ATP9A: variants seen among roughly 807,000 people sequenced by gnomAD.
ATP9A encodes the protein ATPase phospholipid transporting 9A.
In ATP9A, 52 loss-of-function variants were observed where a neutral mutation model predicts 144.1. The observed-to-expected ratio is 0.36, with a 90% CI of 0.29 to 0.45. The LOEUF (loss-of-function observed/expected upper bound fraction) is 0.45. Ranked by LOEUF, ATP9A falls within the 20% of genes least tolerant of loss-of-function variation. ATP9A has a pLI of 1.00. For missense variants in ATP9A, 947 were observed against 1,392.7 expected (o/e 0.68, Z 5.09); for synonymous variants, 582 against 557.4 (o/e 1.04, Z -0.62).
chr20:51,706,838 C>T lies in ATP9A; in HGVS notation c.436+6128G>A, dbSNP rs75440086. ...AGGTAGCCTTTCTTCATTTTTTCTCCTGCTTCCTAATTTGAACAGCAGTTT... is the reference window on the plus strand; with the variant it reads ...AGGTAGCCTTTCTTCATTTTTTCTCTTGCTTCCTAATTTGAACAGCAGTTT... On this transcript the variant is annotated intron_variant, in intron 4 of 27. Coordinates refer to ENST00000338821, the MANE Select transcript of ATP9A (RefSeq NM_006045.3). 7.1e-3 allele frequency among the ~76,000 whole-genome samples: 1,085 copies of T among 152,290 alleles called. 9 individuals carry two copies. Among genetic ancestry groups the T allele is most frequent in the African/African-American group, 0.024 (1,013 of 41,564 alleles).
chr20:51,682,020 C>G (rs1333634829), intron 9 of ATP9A, among the ~76,000 whole-genome samples: 2 of 151,828 alleles, frequency 1.3e-5, no homozygotes, highest in Non-Finnish European at 2.9e-5. Flanking sequence ...CGGGGGTGGA[C>G]GGTGATAATA....
chr20:51,671,205 T>C lies in ATP9A; in HGVS notation c.1090A>G (p.Arg364Gly). The C allele has an allele frequency of 6.2e-7, 1 of 1,614,128 alleles. No individual in the cohort carries two copies. Reference sequence around the variant, plus strand: ...ACGGTCCCGGGGATTTTCGAGTCCCTTCGAATCACCCAGCTGTACACGATC... The same window carrying C: ...ACGGTCCCGGGGATTTTCGAGTCCCCTCGAATCACCCAGCTGTACACGATC... The part of the protein sequence containing the change: ...GKIVYSWVIR[R>G]DSKIPGTVVR... The change falls in exon 12 of 28, where the codon AGG (arginine) becomes GGG (glycine). Residue 364 changes from arginine to glycine, a missense_variant. By Grantham distance (125) the Arg-to-Gly change is moderately radical. Coordinates refer to ENST00000338821, the MANE Select transcript of ATP9A (RefSeq NM_006045.3).
intron 27 of ATP9A, among the ~76,000 whole-genome samples, chr20:51,603,335 C>T (rs902644112): frequency 6.6e-6 from 1 of 152,186 alleles, no homozygotes; most frequent in Admixed American, 6.5e-5. Flanking sequence ...AAAGCCATAG[C>T]GGCTTGAGTT....
Position 51,724,887 on chromosome 20 carries a change from C to G in ATP9A, c.327+932G>C, listed in dbSNP as rs114463043. Among the ~76,000 whole-genome samples, 1,369 of 152,272 alleles carry G rather than the reference C, an allele frequency of 9.0e-3. 19 individuals carry two copies. Among genetic ancestry groups the G allele is most frequent in the African/African-American group, 0.031 (1,297 of 41,556 alleles). On this transcript the variant is annotated intron_variant, in intron 3 of 27. Coordinates refer to ENST00000338821, the MANE Select transcript of ATP9A (RefSeq NM_006045.3). ...ACATTGGTTAAAAAGAAAATGTGAT[C>G]CCAGGAAACAATTCAAATACAAGGT...
chr20:51,694,691 C>T (rs1601109866), intron 6 of ATP9A, among the ~76,000 whole-genome samples: 3 of 152,292 alleles, frequency 2.0e-5, no homozygotes, highest in African/African-American at 7.2e-5. Flanking sequence ...CAGGCAAGCA[C>T]TAGGTCATTA....
Position 51,743,948 on chromosome 20 carries a change from A to G in ATP9A, c.69-13970T>C, listed in dbSNP as rs548083169. ...CTTGAACCCTGGAGGTGGAGGTTGC[A>G]GTAAGCCGAGATTCTGGCACTGCAC... On this transcript the variant is annotated intron_variant, in intron 1 of 27. Coordinates refer to ENST00000338821, the MANE Select transcript of ATP9A (RefSeq NM_006045.3). Among the ~76,000 whole-genome samples, 158 of 151,286 alleles carry G rather than the reference A, an allele frequency of 1.0e-3. 5 individuals carry two copies. In the South Asian group the frequency reaches 0.031, roughly 30 times the overall value.
Position 51,766,614 on chromosome 20 carries a change from G to A in ATP9A, c.68+1688C>T, listed in dbSNP as rs1051450934. Among the ~76,000 whole-genome samples the A allele has an allele frequency of 9.9e-5, 15 of 152,224 alleles. 1 individual carries two copies. Among genetic ancestry groups the A allele is most frequent in the African/African-American group, 3.6e-4 (15 of 41,524 alleles). On this transcript the variant is annotated intron_variant, in intron 1 of 27. Transcript: ENST00000338821. ...CCCAGCACTTTGGAAGGCCGAGGTG[G>A]GTGGATCACGAGGTCAGGAGTTCAA...
Position 51,674,488 on chromosome 20 carries a change from C to T in ATP9A, c.877-175G>A, listed in dbSNP as rs565259330. On this transcript the variant is annotated intron_variant, in intron 10 of 27. Coordinates refer to ENST00000338821, the MANE Select transcript of ATP9A (RefSeq NM_006045.3). ...CCCCAGGTAGGACAGTGGGATCCAT[C>T]GATCCTCATATCTTTGGTCTAAGAA... 3.3e-5 allele frequency among the ~76,000 whole-genome samples: 5 copies of T among 152,256 alleles called. No homozygotes were observed. In the South Asian group the frequency reaches 6.2e-4, roughly 19 times the overall value.
chr20:51,615,113 C>T (rs2122716164), intron 22 of ATP9A, among the ~76,000 whole-genome samples: 2 of 149,662 alleles, frequency 1.3e-5, no homozygotes, highest in South Asian at 2.1e-4. Context: ...GGGGGTGGGG[C>T]GTGGTTATGA....
At position 51,693,994 on chromosome 20, in the gene ATP9A, G is replaced by C; in HGVS notation, c.642+14C>G. On this transcript the variant is annotated intron_variant, in intron 7 of 27. Coordinates refer to ENST00000338821, the MANE Select transcript of ATP9A (RefSeq NM_006045.3). ...AGGTTGCCCGCATGGGCTTCTGCAG[G>C]GAAAGCTACTCACGGCGGCCGTGGG... 6.2e-7 allele frequency: 1 copy of C among 1,610,412 alleles called. No individual in the cohort carries two copies. The highest frequency in any genetic ancestry group is 2.2e-5 in the East Asian group (1 of 44,738).
At chr20:51,727,493 G>A (rs1472053439) in intron 2 of ATP9A, among the ~76,000 whole-genome samples, 1 of 151,644 alleles carries the variant, frequency 6.6e-6, no homozygotes, top group Non-Finnish European at 1.5e-5. Flanking sequence ...GGCTGAAGTG[G>A]GAGGATCAAT....
In ATP9A at chr20:51,750,292, G is replaced by A. The variant is rs77367942; in HGVS notation, c.68+18010C>T. On this transcript the variant is annotated intron_variant, in intron 1 of 27. Coordinates refer to ENST00000338821, the MANE Select transcript of ATP9A (RefSeq NM_006045.3). The stretch of plus-strand genomic sequence containing the variant: ...GACACCATTCACCTCCCCCAGGCCT[G>A]GCACACAAACGTGCTCCGTCACTAA... Among the ~76,000 whole-genome samples, 1,067 of 152,264 alleles carry A rather than the reference G, an allele frequency of 7.0e-3. 7 individuals are homozygous for A. Among genetic ancestry groups the A allele is most frequent in the African/African-American group, 0.024 (993 of 41,538 alleles).
At chr20:51,676,093 C>A (rs1348723243) in intron 10 of ATP9A, 39 bp downstream of exon 10, 1 of 1,541,242 alleles carries the variant, frequency 6.5e-7, no homozygotes, top group Admixed American at 1.7e-5. Context: ...AACCAACCAG[C>A]CCACAGCCGG....
At chr20:51,675,346 AT>A (rs1407225274) in intron 10 of ATP9A, among the ~76,000 whole-genome samples, 1 of 152,152 alleles carries the variant, frequency 6.6e-6, no homozygotes, top group African/African-American at 2.4e-5. Context: ...TTATTCTGTA[AT>A]GTTCTGACTC....
intron 1 of ATP9A, among the ~76,000 whole-genome samples, chr20:51,748,646 A>C (rs1298501095): frequency 1.3e-5 from 2 of 152,204 alleles, no homozygotes; most frequent in Non-Finnish European, 2.9e-5. Context: ...AGATGGCATC[A>C]CCTCAGGGAG....
chr20:51,733,306 A>G (rs1250355809), intron 1 of ATP9A, among the ~76,000 whole-genome samples: 2 of 152,192 alleles, frequency 1.3e-5, no homozygotes, highest in Non-Finnish European at 2.9e-5. Context: ...TATTGCTCAT[A>G]GTTCTGGAGG....
rs180831948 is a variant in ATP9A, at chr20:51,630,090, C to A, written c.1669-1018G>T. 3.3e-3 allele frequency among the ~76,000 whole-genome samples: 500 copies of A among 152,300 alleles called. 1 individual carries two copies. The highest frequency in any genetic ancestry group is 0.011 in the African/African-American group (451 of 41,570). On this transcript the variant is annotated intron_variant, in intron 15 of 27. Transcript: ENST00000338821. ...CAGGCAATGTCCTACTAGCATCTGA[C>A]GGGTGGAGGCCAGGGGTGCTGCTCA...
At chr20:51,678,200 A>G (rs1421077601) in intron 9 of ATP9A, among the ~76,000 whole-genome samples, 1 of 152,016 alleles carries the variant, frequency 6.6e-6, no homozygotes, top group Non-Finnish European at 1.5e-5. Flanking sequence ...CTGAGCCAAA[A>G]CTTGGAACAC....
intron 23 of ATP9A, 61 bp downstream of exon 23, chr20:51,613,616 C>G (rs2077192408): frequency 1.3e-6 from 2 of 1,503,818 alleles, no homozygotes; most frequent in East Asian, 4.8e-5. Flanking sequence ...GGAGCAGCTG[C>G]CCACCCACCT....
Sources: gnomAD v4.1 joint callset for allele counts (sites outside exome capture counted in the v4.1 genomes callset) on GRCh38, gnomAD v4.1.1 for gene constraint, MANE v1.5 for transcripts, NCBI Gene and HGNC (gene_info 2026-07-23, HGNC 2026-07-21) for gene names.